SLC35F1: variants seen among roughly 807,000 people sequenced by gnomAD.
The protein encoded by SLC35F1 is solute carrier family 35 member F1.
In SLC35F1, 14 loss-of-function variants were observed where a neutral mutation model predicts 48.7. The ratio of observed to expected loss-of-function variants is 0.29; its 90% CI spans 0.19 to 0.45. The LOEUF (loss-of-function observed/expected upper bound fraction) is 0.45. Among genes scored for constraint, SLC35F1 ranks in the 20% least tolerant of loss-of-function variants. The pLI, the probability that SLC35F1 is intolerant of heterozygous loss-of-function variation, is 1.00. For missense variants in SLC35F1, 404 were observed against 500.0 expected, an observed-to-expected ratio of 0.81 and a Z score of 1.83; for synonymous variants, 190 against 202.2, an observed-to-expected ratio of 0.94 and a Z score of 0.51.
At chr6:117,998,943 G>A (rs1030632567) in intron 1 of SLC35F1, 176 of 831,468 alleles carry the variant, frequency 2.1e-4, no homozygotes, top group Non-Finnish European at 2.0e-4. Flanking sequence ...CCGGTTCTAG[G>A]CACTTCGGGA....
At chr6:118,116,830 A>G (rs1434662321) in intron 1 of SLC35F1, among the ~76,000 whole-genome samples, 1 of 152,162 alleles carries the variant, frequency 6.6e-6, no homozygotes, top group Non-Finnish European at 1.5e-5. Flanking sequence ...GGAGACCATT[A>G]ATGATTTAAT....
intron 1 of SLC35F1, among the ~76,000 whole-genome samples, chr6:117,934,777 T>C (rs1776144182): frequency 6.6e-6 from 1 of 152,124 alleles, no homozygotes; most frequent in East Asian, 1.9e-4. Flanking sequence ...AGATACAGAG[T>C]TCAGTGTATA....
intron 1 of SLC35F1, among the ~76,000 whole-genome samples, chr6:118,058,024 T>C (rs9374704): frequency 0.25 from 37,670 of 151,980 alleles, 4,889 homozygotes; most frequent in East Asian, 0.36. Context: ...ACTTTCCTGT[T>C]ATATCTTGGT....
intron 1 of SLC35F1, among the ~76,000 whole-genome samples, chr6:117,961,601 C>T (rs1030246388): frequency 2.0e-5 from 3 of 152,194 alleles, no homozygotes; most frequent in Admixed American, 2.0e-4. Flanking sequence ...ACATAAAGCA[C>T]AGATACACAG....
At chr6:118,156,060 T>C (rs1361897437) in intron 2 of SLC35F1, among the ~76,000 whole-genome samples, 3 of 152,176 alleles carry the variant, frequency 2.0e-5, no homozygotes, top group African/African-American at 7.2e-5. Flanking sequence ...TATTTACTTC[T>C]CAAAAATTGG....
At chr6:117,988,970 C>T (rs1198858490) in intron 1 of SLC35F1, among the ~76,000 whole-genome samples, 2 of 152,132 alleles carry the variant, frequency 1.3e-5, no homozygotes, top group African/African-American at 4.8e-5. Context: ...AACAGTCCTA[C>T]TTTGTAAGTT....
At chr6:118,257,312 A>G (rs571680205) in intron 3 of SLC35F1, among the ~76,000 whole-genome samples, 29 of 151,690 alleles carry the variant, frequency 1.9e-4, no homozygotes, top group Admixed American at 1.4e-3. Context: ...AGTTTTGAGG[A>G]AAAAAAAACT....
At chr6:118,292,862 A>G (rs1212423495) in intron 7 of SLC35F1, among the ~76,000 whole-genome samples, 1 of 152,194 alleles carries the variant, frequency 6.6e-6, no homozygotes, top group Non-Finnish European at 1.5e-5. Flanking sequence ...TCTGAAAGGC[A>G]TAGTGCTTCT....
intron 1 of SLC35F1, among the ~76,000 whole-genome samples, chr6:118,072,608 AT>A (rs964863967): frequency 1.3e-5 from 2 of 151,962 alleles, no homozygotes; most frequent in African/African-American, 4.8e-5. Flanking sequence ...TCTTAATCAC[AT>A]TTTTATTCTC....
intron 1 of SLC35F1, among the ~76,000 whole-genome samples, chr6:118,140,975 A>C (rs1402390925): frequency 6.6e-6 from 1 of 152,240 alleles, no homozygotes; most frequent in Non-Finnish European, 1.5e-5. Flanking sequence ...TAAAAATGAA[A>C]AAAGTTTATA....
chr6:118,299,305 G>A (rs1395053283), intron 7 of SLC35F1, among the ~76,000 whole-genome samples: 2 of 152,122 alleles, frequency 1.3e-5, no homozygotes, highest in Non-Finnish European at 1.5e-5. Context: ...AAATGTAAAC[G>A]TTTCCAAGGG....
intron 1 of SLC35F1, among the ~76,000 whole-genome samples, chr6:118,034,221 A>G (rs1772095035): frequency 1.3e-5 from 2 of 152,262 alleles, no homozygotes; most frequent in South Asian, 4.1e-4. Flanking sequence ...TCTTAAAAAT[A>G]TAAAACCTGT....
At chr6:118,284,443 A>G (rs1776025850) in intron 6 of SLC35F1, among the ~76,000 whole-genome samples, 2 of 152,150 alleles carry the variant, frequency 1.3e-5, no homozygotes, top group Non-Finnish European at 2.9e-5. Flanking sequence ...CAGAGTACCC[A>G]TGTCTAGGCA....
intron 1 of SLC35F1, among the ~76,000 whole-genome samples, chr6:117,947,604 T>G (rs1266642321): frequency 6.6e-6 from 1 of 152,174 alleles, no homozygotes; most frequent in Non-Finnish European, 1.5e-5. Flanking sequence ...GGTGGTAGGA[T>G]TCTGCATATT....
chr6:118,211,559 T>C (rs1169737337), intron 2 of SLC35F1, among the ~76,000 whole-genome samples: 3 of 152,210 alleles, frequency 2.0e-5, no homozygotes, highest in Admixed American at 6.5e-5. Flanking sequence ...CATTATGAAA[T>C]ATCAGTGCTT....
intron 1 of SLC35F1, among the ~76,000 whole-genome samples, chr6:118,066,311 A>G (rs193010072): frequency 1.9e-3 from 297 of 152,338 alleles, no homozygotes; most frequent in Non-Finnish European, 2.7e-3. Flanking sequence ...TGTCTAAGAT[A>G]AAAGACAAAA....
intron 3 of SLC35F1, among the ~76,000 whole-genome samples, chr6:118,263,710 C>T (rs1172735850): frequency 2.6e-5 from 4 of 152,026 alleles, no homozygotes; most frequent in African/African-American, 9.7e-5. Flanking sequence ...TCTTTTTTAA[C>T]AGTTTCAGTT....
At chr6:118,285,569 A>G (rs534361192) in intron 7 of SLC35F1, among the ~76,000 whole-genome samples, 2 of 152,370 alleles carry the variant, frequency 1.3e-5, no homozygotes, top group Non-Finnish European at 2.9e-5. Context: ...AGAAACAGCC[A>G]TAAAGGAAAG....
In SLC35F1 at chr6:117,907,449, A is replaced by G. The variant is rs993104994; in HGVS notation, c.-278A>G. On this transcript the variant is annotated 5_prime_UTR_variant, in exon 1 of 8. Coordinates refer to ENST00000360388, the MANE Select transcript of SLC35F1 (RefSeq NM_001029858.4). ...TCGCAGCCACTTCGCGGGGCGGGCC[A>G]GGACTTGGGGACGCGGCTCGGGAAG... The G allele has an allele frequency of 4.3e-6, 1 of 230,212 alleles. No homozygotes were observed. The highest frequency in any genetic ancestry group is 2.3e-5 in the African/African-American group (1 of 43,486). The allele number at this position is 230,212 out of a possible 1,614,324, so 14.3% of individuals were successfully genotyped here. A position where few individuals can be genotyped will look rare whatever the true frequency, so the allele number is the denominator to read the frequency against.
Sources: allele counts gnomAD v4.1 joint callset (sites outside exome capture counted in the v4.1 genomes callset), GRCh38; gene constraint gnomAD v4.1.1; transcripts MANE v1.5; gene names NCBI Gene and HGNC (gene_info 2026-07-23, HGNC 2026-07-21).